The following ZFHX3 variants were observed in gnomAD, a reference collection of about 807,000 sequenced individuals.
ZFHX3 encodes zinc finger homeobox protein 3.
Under a neutral mutation model 279.1 loss-of-function variants are expected in ZFHX3, and 42 were observed. The observed-to-expected ratio is 0.15, with a 90% CI of 0.12 to 0.19. ZFHX3 has a LOEUF of 0.19. ZFHX3 is among the 10% of genes least tolerant of loss of function. The pLI is 1.00. For missense variants in ZFHX3, 4,981 were observed against 4,754.0 expected (o/e 1.05, Z -1.40); for synonymous variants, 2,293 against 1,957.8 (o/e 1.17, Z -4.52).
chr16:73,493,002 A>G (rs2019079525), intron 2 of ZFHX3, among the ~76,000 whole-genome samples: 1 of 152,202 alleles, frequency 6.6e-6, no homozygotes, highest in Non-Finnish European at 1.5e-5. Context: ...TATATATAAC[A>G]TATACTGTCA....
rs966658577 is a variant in ZFHX3, at chr16:72,919,761, C to A, written c.3217-29799G>T. On this transcript the variant is annotated intron_variant, in intron 3 of 9. Coordinates refer to ENST00000268489, the MANE Select transcript of ZFHX3 (RefSeq NM_006885.4). ...AGAGAGGCCGTCTTTCCAACTAAAA[C>A]ATGTATATGCACCATCTTTTTTTTT... is the stretch of plus-strand genomic sequence containing the variant. Among the ~76,000 whole-genome samples, 5 of 119,526 alleles carry A rather than the reference C, an allele frequency of 4.2e-5. No individual in the cohort carries two copies. The Admixed American group carries it at 5.0e-4, about 12-fold the overall frequency. The allele number at this position is 119,526 out of a possible 152,430, so 78.4% of individuals were successfully genotyped here.
At chr16:73,101,528 G>A (rs904706410) in intron 7 of ZFHX3, among the ~76,000 whole-genome samples, 1 of 151,968 alleles carries the variant, frequency 6.6e-6, no homozygotes, top group African/African-American at 2.4e-5. Context: ...ACAGGCAAGC[G>A]CCACCACGCC....
At position 72,796,993 on chromosome 16, in the gene ZFHX3, C is replaced by T. The variant is rs150923130; in HGVS notation, c.5689G>A (p.Glu1897Lys). 1.1e-5 allele frequency: 17 copies of T among 1,613,880 alleles called. No individual in the cohort carries two copies. The highest frequency in any genetic ancestry group is 1.4e-5 in the Non-Finnish European group (16 of 1,180,012). ...KESQRERDSA[E>K]GGEGNTGPKE... ...GGACCGGTGTTGCCCTCTCCCCCCT[C>T]GGCGCTGTCCCTCTCTCTCTGGCTT... The change falls in exon 9 of 10, where the codon GAG becomes AAG. Residue 1897 changes from glutamate (E) to lysine (K), a missense_variant. Transcript: ENST00000268489.
At chr16:73,426,597 A>T (rs916216076) in intron 3 of ZFHX3, among the ~76,000 whole-genome samples, 7 of 151,974 alleles carry the variant, frequency 4.6e-5, no homozygotes, top group Non-Finnish European at 8.8e-5. Context: ...TGTGTGTGTG[A>T]GAGAGAGAGC....
At chr16:72,879,677 C>G (rs542307708) in intron 4 of ZFHX3, among the ~76,000 whole-genome samples, 2 of 152,210 alleles carry the variant, frequency 1.3e-5, no homozygotes, top group Non-Finnish European at 2.9e-5. Flanking sequence ...CCGCCCGCCT[C>G]GGCCTCCCAA....
intron 1 of ZFHX3, among the ~76,000 whole-genome samples, chr16:73,798,094 C>A (rs1223816600): frequency 1.3e-5 from 2 of 152,078 alleles, no homozygotes; most frequent in Non-Finnish European, 2.9e-5. Flanking sequence ...TATACAGAAA[C>A]CACCGCACTC....
intron 3 of ZFHX3, among the ~76,000 whole-genome samples, chr16:73,379,661 T>C (rs2016786877): frequency 1.3e-5 from 2 of 152,182 alleles, no homozygotes; most frequent in African/African-American, 4.8e-5. Context: ...CTGCTGGTCT[T>C]TTCTGTCTTG....
chr16:72,819,605 G>A (rs796393531), intron 5 of ZFHX3, among the ~76,000 whole-genome samples: 1 of 152,180 alleles, frequency 6.6e-6, no homozygotes, highest in Non-Finnish European at 1.5e-5. Context: ...TGTGTAATAG[G>A]TAGGAACCAC....
At chr16:72,882,980 GTGTGTGTGTGTGT>G (rs1567563238) in intron 4 of ZFHX3, among the ~76,000 whole-genome samples, 1,109 of 35,486 alleles carry the variant, frequency 0.031, 33 homozygotes, top group Non-Finnish European at 0.034. Flanking sequence ...ACTCTGGGGT[GTGTGTGTGTGTGT>G]GTGTGTGTGT....
At position 72,958,801 on chromosome 16, in the gene ZFHX3, C is replaced by T. The variant is rs747952099; in HGVS notation, c.1345G>A (p.Gly449Arg). Residue 449 changes from glycine (G) to arginine (R), a missense_variant, in exon 2 of 10, where the codon GGG becomes AGG. Transcript: ENST00000268489. ...AEGEKQEVGD[G>R]DCFSEKVEPA... ...TCTACCTTCTCAGAGAAGCAATCCCCGTCGCCCACTTCCTGCTTCTCTCCT... is the reference window on the plus strand; with the variant it reads ...TCTACCTTCTCAGAGAAGCAATCCCTGTCGCCCACTTCCTGCTTCTCTCCT... 25 of 1,614,026 alleles carry T rather than the reference C, an allele frequency of 1.5e-5. No individual in the cohort carries two copies. Among genetic ancestry groups the T allele is most frequent in the South Asian group, 2.2e-5 (2 of 91,076 alleles).
intron 2 of ZFHX3, among the ~76,000 whole-genome samples, chr16:73,524,895 C>T (rs1334506512): frequency 6.6e-6 from 1 of 152,162 alleles, no homozygotes; most frequent in African/African-American, 2.4e-5. Flanking sequence ...TCACAGAGGG[C>T]CAGTATGCTT....
intron 3 of ZFHX3, among the ~76,000 whole-genome samples, chr16:72,892,303 A>G (rs1311379874): frequency 1.3e-5 from 2 of 152,198 alleles, no homozygotes; most frequent in Non-Finnish European, 2.9e-5. Flanking sequence ...CACAGGCACC[A>G]AGAAAGAACA....
intron 2 of ZFHX3, among the ~76,000 whole-genome samples, chr16:73,543,504 C>A (rs1469428963): frequency 1.3e-5 from 2 of 152,144 alleles, no homozygotes; most frequent in Non-Finnish European, 2.9e-5. Context: ...TATTTAGAAA[C>A]CCCTGGTAAT....
intron 1 of ZFHX3, among the ~76,000 whole-genome samples, chr16:73,767,121 G>C (rs2053958322): frequency 6.6e-6 from 1 of 151,982 alleles, no homozygotes; most frequent in Non-Finnish European, 1.5e-5. Context: ...ATTTTTAGTA[G>C]AGATGGGGTT....
chr16:73,683,660 G>C (rs2053049767), intron 1 of ZFHX3, among the ~76,000 whole-genome samples: 1 of 151,928 alleles, frequency 6.6e-6, no homozygotes, highest in African/African-American at 2.4e-5. Context: ...TCCTGCCTCA[G>C]CCTCCTGAGT....
At chr16:73,083,821 G>A (rs1216923357) in intron 8 of ZFHX3, among the ~76,000 whole-genome samples, 1 of 152,160 alleles carries the variant, frequency 6.6e-6, no homozygotes, top group African/African-American at 2.4e-5. Flanking sequence ...GAGCCACCAT[G>A]CCCGGCCTTT....
chr16:73,450,286 T>C (rs369978380), intron 3 of ZFHX3, among the ~76,000 whole-genome samples: 61 of 152,356 alleles, frequency 4.0e-4, no homozygotes, highest in African/African-American at 1.3e-3. Flanking sequence ...TCTTTTATTC[T>C]CTGTATCTGT....
At chr16:73,637,883 T>A (rs2052542235) in intron 2 of ZFHX3, among the ~76,000 whole-genome samples, 1 of 152,194 alleles carries the variant, frequency 6.6e-6, no homozygotes, top group African/African-American at 2.4e-5. Flanking sequence ...GGCAATTTTG[T>A]AAAAAGAATT....
intron 5 of ZFHX3, among the ~76,000 whole-genome samples, chr16:73,247,636 C>G (rs954797109): frequency 1.8e-5 from 2 of 114,242 alleles, no homozygotes; most frequent in South Asian, 2.8e-4. Context: ...TGTGTGTGTT[C>G]ATATACTATG....
Sources: allele counts gnomAD v4.1 joint callset (sites outside exome capture counted in the v4.1 genomes callset), GRCh38; gene constraint gnomAD v4.1.1; transcripts MANE v1.5; gene names NCBI Gene and HGNC (gene_info 2026-07-23, HGNC 2026-07-21).